The following PCSK5 variants were observed in gnomAD, a reference collection of about 807,000 sequenced individuals.
PCSK5 encodes proprotein convertase subtilisin/kexin type 5.
Under a neutral mutation model 233.2 loss-of-function variants are expected in PCSK5, and 129 were observed. The ratio of observed to expected loss-of-function variants is 0.55; its 90% CI spans 0.48 to 0.64. PCSK5 has a LOEUF of 0.64. PCSK5 is among the 30% of genes least tolerant of loss of function. The pLI, the probability that PCSK5 is intolerant of heterozygous loss-of-function variation, is 0.00. For synonymous variants in PCSK5, 825 were observed against 879.2 expected (o/e 0.94, Z 1.09); for missense variants, 2,076 against 2,430.1 (o/e 0.85, Z 3.06).
Position 76,179,516 on chromosome 9 carries a change from AT to A in PCSK5, c.1901-75del. 1.1e-5 allele frequency: 11 copies of A among 994,052 alleles called. No individual in the cohort carries two copies. In the South Asian group the frequency reaches 1.6e-4, roughly 15 times the overall value. 61.6% of individuals were successfully genotyped at this position (994,052 alleles called of 1,614,324 possible). ...TCTGCATAAGAAAAAAAAAAGTCTT[AT>A]TTTTATACCAAATTCAAGGTAAAGC... is the stretch of plus-strand genomic sequence containing the variant. On this transcript the variant is annotated intron_variant, in intron 14 of 37. Transcript: ENST00000674117.
At chr9:76,122,777 T>C (rs1832691322) in intron 9 of PCSK5, among the ~76,000 whole-genome samples, 1 of 151,888 alleles carries the variant, frequency 6.6e-6, no homozygotes, top group Non-Finnish European at 1.5e-5. Flanking sequence ...GACTAAATTA[T>C]CTGAACACTA....
chr9:76,228,121 C>G (rs1432018025), intron 21 of PCSK5, among the ~76,000 whole-genome samples: 3 of 152,068 alleles, frequency 2.0e-5, no homozygotes, highest in East Asian at 1.9e-4. Context: ...AGGCGCCCAC[C>G]ACCACGCCTG....
chr9:75,944,838 G>A (rs944877011), intron 2 of PCSK5, among the ~76,000 whole-genome samples: 2 of 152,134 alleles, frequency 1.3e-5, no homozygotes, highest in South Asian at 2.1e-4. Flanking sequence ...GTCCAGGCGC[G>A]GTGGCTCACG....
At chr9:75,894,988 T>A (rs975836342) in intron 1 of PCSK5, among the ~76,000 whole-genome samples, 1 of 152,228 alleles carries the variant, frequency 6.6e-6, no homozygotes, top group Non-Finnish European at 1.5e-5. Flanking sequence ...TTGTTTACAA[T>A]GTGCAATAGC....
intron 3 of PCSK5, among the ~76,000 whole-genome samples, chr9:75,994,375 GTTTC>G (rs1826904517): frequency 7.8e-6 from 1 of 127,940 alleles, no homozygotes; most frequent in Admixed American, 8.0e-5. Context: ...CAACCTCCCA[GTTTC>G]TTTCTTTTCT....
At chr9:76,071,991 C>A in intron 7 of PCSK5, 93 bp downstream of exon 7, 1 of 1,226,574 alleles carries the variant, frequency 8.2e-7, no homozygotes, top group Non-Finnish European at 1.1e-6. Flanking sequence ...GTCTAGAGAA[C>A]TGGATGGAGC....
chr9:75,921,206 C>T (rs1317249985), intron 1 of PCSK5, among the ~76,000 whole-genome samples: 1 of 152,100 alleles, frequency 6.6e-6, no homozygotes, highest in Non-Finnish European at 1.5e-5. Flanking sequence ...TAGATGTTTT[C>T]AAAAAGAAAA....
At chr9:76,327,175 C>T (rs1829388225) in intron 32 of PCSK5, among the ~76,000 whole-genome samples, 1 of 150,676 alleles carries the variant, frequency 6.6e-6, no homozygotes, top group Admixed American at 6.6e-5. Flanking sequence ...GGTGCAATCA[C>T]AGCTCACTGC....
intron 12 of PCSK5, among the ~76,000 whole-genome samples, chr9:76,168,161 T>C (rs1315806536): frequency 6.6e-6 from 1 of 152,174 alleles, no homozygotes; most frequent in Non-Finnish European, 1.5e-5. Context: ...GTGATGTGTT[T>C]ATTTATTTGA....
At chr9:75,939,043 T>C (rs1003061345) in intron 2 of PCSK5, among the ~76,000 whole-genome samples, 1 of 152,128 alleles carries the variant, frequency 6.6e-6, no homozygotes, top group Non-Finnish European at 1.5e-5. Context: ...CACTCCCTTT[T>C]CCCCCTCCTT....
chr9:76,246,744 A>G (rs1398851340), intron 24 of PCSK5, among the ~76,000 whole-genome samples: 2 of 152,218 alleles, frequency 1.3e-5, no homozygotes, highest in African/African-American at 4.8e-5. Flanking sequence ...CTCTGCAGCT[A>G]CCAAAAGAGC....
chr9:76,358,134 T>C (rs1830348771), intron 37 of PCSK5, among the ~76,000 whole-genome samples: 1 of 152,186 alleles, frequency 6.6e-6, no homozygotes, highest in South Asian at 2.1e-4. Context: ...TAGAAGGATT[T>C]ATTGGCTTCA....
intron 37 of PCSK5, 131 bp from the exon 38 acceptor site, chr9:76,358,382 G>A (rs945543813): frequency 2.1e-5 from 14 of 679,106 alleles, no homozygotes; most frequent in South Asian, 6.4e-5. Context: ...AGGAAAATCA[G>A]AGACAGTGAT....
intron 5 of PCSK5, among the ~76,000 whole-genome samples, chr9:76,040,662 C>T (rs149078428): frequency 1.3e-5 from 2 of 152,232 alleles, no homozygotes; most frequent in East Asian, 3.9e-4. Context: ...GTCTGGCCTC[C>T]AAACCCATGT....
chr9:76,354,836 G>C (rs1418627590), intron 37 of PCSK5, among the ~76,000 whole-genome samples: 3 of 152,014 alleles, frequency 2.0e-5, no homozygotes, highest in Admixed American at 2.0e-4. Context: ...TCCAAGACTA[G>C]AACTCAAGTA....
Position 76,229,298 on chromosome 9 carries a change from G to C in PCSK5, c.2729+1693G>C, listed in dbSNP as rs145163528. 2.7e-4 allele frequency among the ~76,000 whole-genome samples: 41 copies of C among 152,226 alleles called. No individual in the cohort carries two copies. The East Asian group carries it at 7.9e-3, about 29-fold the overall frequency. On this transcript the variant is annotated intron_variant, in intron 21 of 37. Coordinates refer to ENST00000674117, the MANE Select transcript of PCSK5 (RefSeq NM_001372043.1). ...ATGTTTGGACGTCTTTTGAACTAGGGGAATATTTTAACATTTGTTTAATAA... is the reference window on the plus strand; with the variant it reads ...ATGTTTGGACGTCTTTTGAACTAGGCGAATATTTTAACATTTGTTTAATAA...
intron 5 of PCSK5, among the ~76,000 whole-genome samples, chr9:76,037,889 ACT>A (rs1476911586): frequency 6.6e-6 from 1 of 151,994 alleles, no homozygotes; most frequent in Non-Finnish European, 1.5e-5. Flanking sequence ...CTCCTTCTCC[ACT>A]CTCAGGCGAA....
intron 2 of PCSK5, among the ~76,000 whole-genome samples, chr9:75,939,779 G>C (rs912489258): frequency 3.3e-5 from 5 of 152,028 alleles, no homozygotes; most frequent in East Asian, 1.9e-4. Flanking sequence ...TATCTTGAAG[G>C]TTCTAGCCTA....
chr9:76,100,553 A>G (rs1222701300), intron 8 of PCSK5, among the ~76,000 whole-genome samples: 1 of 152,240 alleles, frequency 6.6e-6, no homozygotes, highest in Non-Finnish European at 1.5e-5. Context: ...CTTGGATTCC[A>G]ATCAAAGTCA....
Sources: gnomAD v4.1 joint callset for allele counts (sites outside exome capture counted in the v4.1 genomes callset) on GRCh38, gnomAD v4.1.1 for gene constraint, MANE v1.5 for transcripts, NCBI Gene and HGNC (gene_info 2026-07-23, HGNC 2026-07-21) for gene names.